Variants in BTBD10 observed in about 807,000 individuals in gnomAD.
BTBD10 encodes the protein BTB domain containing 10, also known as BTB/POZ domain-containing protein 10.
BTBD10 carries 21 observed loss-of-function variants against 53.2 expected under a neutral mutation model. The observed-to-expected ratio is 0.39, with a 90% CI of 0.28 to 0.57. The LOEUF (loss-of-function observed/expected upper bound fraction) is 0.57. Among genes scored for constraint, BTBD10 ranks in the 20% least tolerant of loss-of-function variants. The probability of loss-of-function intolerance (pLI) is 0.53; values close to 1 mark genes in which losing one functional copy is unlikely to be tolerated. For synonymous variants in BTBD10, 149 were observed against 192.7 expected, an observed-to-expected ratio of 0.77 and a Z score of 1.88; for missense variants, 360 against 594.7, an observed-to-expected ratio of 0.61 and a Z score of 4.10.
At chr11:13,454,097 T>C (rs545712353) in intron 1 of BTBD10, among the ~76,000 whole-genome samples, 1 of 152,176 alleles carries the variant, frequency 6.6e-6, no homozygotes, top group Admixed American at 6.5e-5. Context: ...GAAGGACATT[T>C]CACTTAATAT....
At chr11:13,422,241 A>C (rs982754818) in intron 2 of BTBD10, among the ~76,000 whole-genome samples, 10 of 152,228 alleles carry the variant, frequency 6.6e-5, no homozygotes, top group Non-Finnish European at 1.5e-4. Context: ...GGAATGGGGC[A>C]GAGAAATTGG....
At chr11:13,427,758 T>G (rs1950369225) in intron 2 of BTBD10, among the ~76,000 whole-genome samples, 1 of 152,130 alleles carries the variant, frequency 6.6e-6, no homozygotes, top group South Asian at 2.1e-4. Flanking sequence ...TTAAAAGAAT[T>G]TAATCATACA....
At chr11:13,444,889 C>T in intron 2 of BTBD10, 135 bp downstream of exon 2, 1 of 504,426 alleles carries the variant, frequency 2.0e-6, no homozygotes, top group Non-Finnish European at 3.5e-6. Flanking sequence ...TCTATGGAGA[C>T]AGATAAACAT....
intron 1 of BTBD10, among the ~76,000 whole-genome samples, chr11:13,459,058 A>ATTT (rs199960942): frequency 3.0e-5 from 4 of 135,318 alleles, no homozygotes; most frequent in African/African-American, 8.0e-5. Context: ...TTATTTATTT[A>ATTT]TTTTTTTTTT....
chr11:13,459,213 C>G (rs1424829716), intron 1 of BTBD10, among the ~76,000 whole-genome samples: 1 of 151,164 alleles, frequency 6.6e-6, no homozygotes. Flanking sequence ...CCCGCCACTA[C>G]GCCCGGCTAA....
At chr11:13,457,040 T>C (rs1225919607) in intron 1 of BTBD10, among the ~76,000 whole-genome samples, 1 of 152,098 alleles carries the variant, frequency 6.6e-6, no homozygotes, top group East Asian at 1.9e-4. Flanking sequence ...CACATGCCTG[T>C]AGTCCCAGCT....
At chr11:13,403,105 C>T in intron 8 of BTBD10, 63 bp downstream of exon 8, 1 of 1,000,694 alleles carries the variant, frequency 1.0e-6, no homozygotes, top group Non-Finnish European at 1.5e-6. Context: ...AAATAAGATC[C>T]AATTGTTTTT....
chr11:13,397,750 C>G (rs1004675065), intron 8 of BTBD10, among the ~76,000 whole-genome samples: 1 of 152,132 alleles, frequency 6.6e-6, no homozygotes, highest in African/African-American at 2.4e-5. Flanking sequence ...TGTCTTTTTT[C>G]TCATTGGTTT....
chr11:13,457,045 C>T (rs1950984804), intron 1 of BTBD10, among the ~76,000 whole-genome samples: 1 of 151,998 alleles, frequency 6.6e-6, no homozygotes, highest in South Asian at 2.1e-4. Flanking sequence ...GCCTGTAGTC[C>T]CAGCTACTTG....
intron 8 of BTBD10, among the ~76,000 whole-genome samples, chr11:13,396,279 G>A (rs1292432499): frequency 6.6e-6 from 1 of 152,174 alleles, no homozygotes; most frequent in African/African-American, 2.4e-5. Flanking sequence ...GGATTCCTAG[G>A]TATTTTACTC....
At chr11:13,417,074 T>C (rs1329143768) in intron 5 of BTBD10, 84 bp downstream of exon 5, 12 of 879,788 alleles carry the variant, frequency 1.4e-5, no homozygotes, top group South Asian at 1.8e-5. Context: ...TCCAGAGAGA[T>C]ATTCAAATAG....
intron 2 of BTBD10, among the ~76,000 whole-genome samples, chr11:13,425,744 T>C (rs1950324855): frequency 1.3e-5 from 2 of 152,162 alleles, no homozygotes; most frequent in Admixed American, 1.3e-4. Flanking sequence ...GTTCCTGACA[T>C]TTTTAAAAAA....
intron 8 of BTBD10, among the ~76,000 whole-genome samples, chr11:13,393,080 T>A (rs1232852437): frequency 6.6e-6 from 1 of 152,202 alleles, no homozygotes; most frequent in Non-Finnish European, 1.5e-5. Flanking sequence ...TTTGGTGGAA[T>A]TGTGGTGTGG....
chr11:13,402,953 G>C (rs1949744051), intron 8 of BTBD10, among the ~76,000 whole-genome samples: 1 of 152,114 alleles, frequency 6.6e-6, no homozygotes. Context: ...TCTATCACTA[G>C]AGAATCTTAT....
chr11:13,427,014 G>A (rs1271865055), intron 2 of BTBD10, among the ~76,000 whole-genome samples: 2 of 152,164 alleles, frequency 1.3e-5, no homozygotes, highest in Admixed American at 1.3e-4. Flanking sequence ...CCAGGAGTTC[G>A]AGACCAGCCT....
intron 6 of BTBD10, among the ~76,000 whole-genome samples, chr11:13,412,934 A>G (rs1949994962): frequency 6.6e-6 from 1 of 152,158 alleles, no homozygotes; most frequent in Admixed American, 6.5e-5. Context: ...TAACAATGGG[A>G]GTAGGGGTGC....
chr11:13,423,019 G>T (rs1950272247), intron 2 of BTBD10, among the ~76,000 whole-genome samples: 1 of 152,084 alleles, frequency 6.6e-6, no homozygotes, highest in African/African-American at 2.4e-5. Context: ...ACTACTAAAT[G>T]GGTATCAGAT....
intron 1 of BTBD10, among the ~76,000 whole-genome samples, chr11:13,448,242 T>C (rs376633183): frequency 6.6e-6 from 1 of 152,142 alleles, no homozygotes; most frequent in African/African-American, 2.4e-5. Flanking sequence ...TGTATCTCTC[T>C]CCCACCTGGA....
At chr11:13,427,880 G>A (rs1378077613) in intron 2 of BTBD10, among the ~76,000 whole-genome samples, 1 of 151,954 alleles carries the variant, frequency 6.6e-6, no homozygotes, top group Non-Finnish European at 1.5e-5. Context: ...ACAACTTACA[G>A]AGCAATAAAT....
Sources: gnomAD v4.1 joint callset for allele counts (sites outside exome capture counted in the v4.1 genomes callset) on GRCh38, gnomAD v4.1.1 for gene constraint, MANE v1.5 for transcripts, NCBI Gene and HGNC (gene_info 2026-07-23, HGNC 2026-07-21) for gene names.